MROH1: variants seen among roughly 807,000 people sequenced by gnomAD.
The protein encoded by MROH1 is maestro heat-like repeat-containing protein family member 1.
Under a neutral mutation model 116.5 loss-of-function variants are expected in MROH1, and 117 were observed. The observed-to-expected ratio is 1.00, with a 90% CI of 0.86 to 1.17. MROH1 has a LOEUF of 1.17. Ranked by LOEUF, MROH1 falls within the 50% of genes most tolerant of loss-of-function variation. The pLI is 0.00. For missense variants in MROH1, 1,873 were observed against 1,338.5 expected, an observed-to-expected ratio of 1.40 and a Z score of -6.23; for synonymous variants, 921 against 583.9, an observed-to-expected ratio of 1.58 and a Z score of -8.32.
intron 1 of MROH1, among the ~76,000 whole-genome samples, chr8:144,159,438 GT>G (rs1207240497): frequency 1.3e-5 from 2 of 152,156 alleles, no homozygotes; most frequent in Non-Finnish European, 2.9e-5. Flanking sequence ...ATTTTTATTA[GT>G]TTTGGCTTTG....
In MROH1 at chr8:144,225,974, G is replaced by A. The variant is rs1031751009; in HGVS notation, c.1338+2744G>A. On this transcript the variant is annotated intron_variant, in intron 14 of 43. Transcript: ENST00000326134. ...CTATTGCCCAGGCTGGAGTGCAATGGCGTGATCTCAGCTCACTGCAACCTC... is the reference window on the plus strand; with the variant it reads ...CTATTGCCCAGGCTGGAGTGCAATGACGTGATCTCAGCTCACTGCAACCTC... Among the ~76,000 whole-genome samples, 28 of 141,090 alleles carry A rather than the reference G, an allele frequency of 2.0e-4. 1 individual carries two copies. The highest frequency in any genetic ancestry group is 6.9e-4 in the African/African-American group (26 of 37,430). 92.6% of individuals were successfully genotyped at this position (141,090 alleles called of 152,430 possible). A position where few individuals can be genotyped will look rare whatever the true frequency, so the allele number is the denominator to read the frequency against.
chr8:144,238,684 C>T (rs1840455522), intron 14 of MROH1, 72 bp from the exon 15 acceptor site: 1 of 745,220 alleles, frequency 1.3e-6, no homozygotes, highest in Non-Finnish European at 2.4e-6. Flanking sequence ...TGCCCCGCTT[C>T]CGGGCAGGCT....
chr8:144,171,068 T>A (rs962025864), intron 4 of MROH1, among the ~76,000 whole-genome samples: 4 of 152,252 alleles, frequency 2.6e-5, no homozygotes, highest in African/African-American at 9.6e-5. Context: ...AGTTGTGCAG[T>A]GGACACCAGC....
chr8:144,188,678 G>C (rs1012858237), intron 7 of MROH1, among the ~76,000 whole-genome samples: 2 of 151,986 alleles, frequency 1.3e-5, no homozygotes, highest in African/African-American at 4.8e-5. Context: ...ATGTTGCCCA[G>C]GATGGTCTCG....
intron 29 of MROH1, among the ~76,000 whole-genome samples, chr8:144,245,493 G>A (rs1841732162): frequency 6.6e-6 from 1 of 152,370 alleles, no homozygotes; most frequent in Non-Finnish European, 1.5e-5. Context: ...TGCACCTCTG[G>A]TCTCCAGGGC....
intron 19 of MROH1, 72 bp from the exon 20 acceptor site, chr8:144,240,498 G>T (rs1840787111): frequency 2.8e-6 from 2 of 708,710 alleles, no homozygotes; most frequent in Admixed American, 2.0e-5. Context: ...AGCACATGGG[G>T]ATGTGCCCAG....
chr8:144,223,210 G>A lies in MROH1; in HGVS notation c.1318G>A (p.Ala440Thr), dbSNP rs771148811. 43 of 1,608,032 alleles carry A rather than the reference G, an allele frequency of 2.7e-5. No individual in the cohort carries two copies. The highest frequency in any genetic ancestry group is 3.3e-4 in the Middle Eastern group (2 of 6,036). ...AMIEYIVQQCALPPEQEPEKP... is the reference protein window; with the variant it reads ...AMIEYIVQQCTLPPEQEPEKP... ...GATCGAGTACATCGTGCAGCAGTGC[G>A]CGCTGCCCCCCGAGCAGGAGGTAAG... Residue 440 changes from alanine (A) to threonine (T), a missense_variant, in exon 14 of 44, where the codon GCG becomes ACG. By Grantham distance (58) the Ala-to-Thr change is moderately conservative (BLOSUM62 0). Coordinates refer to ENST00000326134, the MANE Select transcript of MROH1 (RefSeq NM_032450.3).
chr8:144,260,409 C>T, intron 39 of MROH1, 35 bp downstream of exon 39: 1 of 703,384 alleles, frequency 1.4e-6, no homozygotes, highest in South Asian at 1.5e-5. Context: ...GGAAGAGGGC[C>T]CCAGCCCTTC....
At chr8:144,184,553 G>A (rs1007510138) in intron 7 of MROH1, among the ~76,000 whole-genome samples, 20 of 152,244 alleles carry the variant, frequency 1.3e-4, no homozygotes, top group Admixed American at 9.8e-4. Context: ...TGTGAAAAGA[G>A]AACCAAATAC....
At position 144,254,969 on chromosome 8, in the gene MROH1, G is replaced by A; in HGVS notation, c.3585G>A (p.Leu1195=). The A allele has an allele frequency of 1.3e-6, 1 of 765,920 alleles. No individual in the cohort carries two copies. Among genetic ancestry groups the A allele is most frequent in the Non-Finnish European group, 2.4e-6 (1 of 413,236 alleles). The allele number at this position is 765,920 out of a possible 1,614,324, so 47.4% of individuals were successfully genotyped here. The part of the protein sequence containing the change: ...GRTPDRVATL[L]PLSATCALFE... ...CCCCAGACCGCGTGGCCACGCTGCT[G>A]CCTCTCTCGGTGAGTCGGGCTCTCG... The change falls in exon 34 of 44, where the codon CTG becomes CTA. Residue 1195 remains leucine, a synonymous_variant. Transcript: ENST00000326134.
chr8:144,166,096 C>T lies in MROH1; in HGVS notation c.23-2199C>T, dbSNP rs1009966006. Among the ~76,000 whole-genome samples, 2 of 152,248 alleles carry T rather than the reference C, an allele frequency of 1.3e-5. 1 individual carries two copies. Among genetic ancestry groups the T allele is most frequent in the South Asian group, 4.1e-4 (2 of 4,822 alleles). ...GTTTCACCATGTTGGCCAGACTGGT[C>T]TTGAACTCCTGACCTCAGGGGATCC... On this transcript the variant is annotated intron_variant, in intron 3 of 43. Transcript: ENST00000326134.
At chr8:144,217,685 C>G (rs2132276491) in intron 12 of MROH1, among the ~76,000 whole-genome samples, 1 of 152,344 alleles carries the variant, frequency 6.6e-6, no homozygotes, top group South Asian at 2.1e-4. Context: ...CTCACTACAG[C>G]CTCTGCCTCC....
chr8:144,188,403 CA>C (rs1179452076), intron 7 of MROH1, among the ~76,000 whole-genome samples: 1 of 150,944 alleles, frequency 6.6e-6, no homozygotes, highest in Non-Finnish European at 1.5e-5. Context: ...TGCTTCAGCC[CA>C]GGGGGGCCTC....
chr8:144,154,513 T>C (rs1817586373), intron 1 of MROH1, among the ~76,000 whole-genome samples: 1 of 152,084 alleles, frequency 6.6e-6, no homozygotes, highest in African/African-American at 2.4e-5. Context: ...TGCAAACTGC[T>C]CATGTGGGGG....
chr8:144,172,625 G>A (rs572143279), intron 4 of MROH1, among the ~76,000 whole-genome samples: 3 of 152,184 alleles, frequency 2.0e-5, no homozygotes, highest in African/African-American at 4.8e-5. Flanking sequence ...TGGTCAGGCA[G>A]GTCTCGAACT....
At chr8:144,152,844 G>C (rs983287450) in intron 1 of MROH1, among the ~76,000 whole-genome samples, 25 of 152,240 alleles carry the variant, frequency 1.6e-4, no homozygotes, top group African/African-American at 5.8e-4. Flanking sequence ...ACTGCGCCTG[G>C]CCATGACCTC....
Position 144,239,028 on chromosome 8 carries a change from C to T in MROH1, c.1447-7C>T. Reference sequence around the variant, plus strand: ...GCGGATGCAGACCAGGCCCTCTGCTCCCCTAGGTCCTCTGGCCATACCTGC... The same window carrying T: ...GCGGATGCAGACCAGGCCCTCTGCTTCCCTAGGTCCTCTGGCCATACCTGC... On this transcript the variant is annotated splice_polypyrimidine_tract_variant and splice_region_variant and intron_variant, in intron 15 of 43. Transcript: ENST00000326134. The T allele has an allele frequency of 2.6e-6, 2 of 777,742 alleles. No homozygotes were observed. The highest frequency in any genetic ancestry group is 4.8e-6 in the Non-Finnish European group (2 of 417,772). 48.2% of individuals were successfully genotyped at this position (777,742 alleles called of 1,614,324 possible). A position where few individuals can be genotyped will look rare whatever the true frequency, so the allele number is the denominator to read the frequency against.
intron 4 of MROH1, among the ~76,000 whole-genome samples, chr8:144,178,798 C>T (rs999356781): frequency 5.3e-5 from 8 of 152,112 alleles, no homozygotes; most frequent in African/African-American, 9.7e-5. Flanking sequence ...TGTGTGCCCC[C>T]GCGGGTCCCA....
At chr8:144,179,668 C>A in intron 5 of MROH1, 82 bp downstream of exon 5, 1 of 1,523,146 alleles carries the variant, frequency 6.6e-7, no homozygotes, top group Non-Finnish European at 8.9e-7. Flanking sequence ...TACCCAGCAG[C>A]CTTGAGAGTA....
Sources: allele counts gnomAD v4.1 joint callset (sites outside exome capture counted in the v4.1 genomes callset), GRCh38; gene constraint gnomAD v4.1.1; transcripts MANE v1.5; gene names NCBI Gene and HGNC (gene_info 2026-07-23, HGNC 2026-07-21).